The following IPCEF1 variants were observed in gnomAD, a reference collection of about 807,000 sequenced individuals.
The protein encoded by IPCEF1 is interactor protein for cytohesin exchange factors 1.
A neutral mutation model predicts 50.9 loss-of-function variants in IPCEF1; 31 were observed. That is an observed-to-expected ratio of 0.61 (90% CI 0.46 to 0.82). IPCEF1 has a LOEUF of 0.82. Among genes scored for constraint, IPCEF1 ranks in the 40% least tolerant of loss-of-function variants. The pLI is 0.00. For synonymous variants in IPCEF1, 181 were observed against 192.0 expected (o/e 0.94, Z 0.47); for missense variants, 458 against 514.0 (o/e 0.89, Z 1.05).
chr6:154,250,694 T>C (rs1483858499), intron 3 of IPCEF1, among the ~76,000 whole-genome samples: 1 of 152,260 alleles, frequency 6.6e-6, no homozygotes, highest in Non-Finnish European at 1.5e-5. Context: ...CATATAGTAG[T>C]TGTTAAACCT....
chr6:154,316,240 G>C (rs1383441167), intron 1 of IPCEF1, among the ~76,000 whole-genome samples: 1 of 152,084 alleles, frequency 6.6e-6, no homozygotes, highest in Admixed American at 6.6e-5. Flanking sequence ...TCACTCATAG[G>C]GAAGCACATT....
chr6:154,247,845 A>T (rs1184316137), intron 3 of IPCEF1, among the ~76,000 whole-genome samples: 1 of 152,254 alleles, frequency 6.6e-6, no homozygotes, highest in Non-Finnish European at 1.5e-5. Flanking sequence ...GAGAGAAGGA[A>T]AAATATATCT....
chr6:154,338,070 C>A (rs1296478092), intron 1 of IPCEF1, among the ~76,000 whole-genome samples: 1 of 152,210 alleles, frequency 6.6e-6, no homozygotes, highest in African/African-American at 2.4e-5. Context: ...CTAGAACATT[C>A]TATTGCTTGA....
chr6:154,272,002 CCACTA>C (rs1467038234), intron 2 of IPCEF1, among the ~76,000 whole-genome samples: 1 of 152,128 alleles, frequency 6.6e-6, no homozygotes, highest in African/African-American at 2.4e-5. Flanking sequence ...GAAAACCACT[CCACTA>C]AAGTATGTAG....
intron 9 of IPCEF1, 70 bp from the exon 10 acceptor site, chr6:154,200,110 T>C: frequency 7.2e-7 from 1 of 1,395,564 alleles, no homozygotes; most frequent in Non-Finnish European, 9.6e-7. Flanking sequence ...CTCTACCTTT[T>C]ATTTTCAATC....
chr6:154,324,807 C>G (rs1042128865), intron 1 of IPCEF1, among the ~76,000 whole-genome samples: 1 of 151,518 alleles, frequency 6.6e-6, no homozygotes, highest in Non-Finnish European at 1.5e-5. Context: ...GATTCTGTCT[C>G]GAAACAAACA....
Position 154,207,363 on chromosome 6 carries a change from T to G in IPCEF1, c.537+5407A>C, listed in dbSNP as rs117267561. ...TGAGGAGAAAGGGTGAATTTTTCTG[T>G]CTACCTTTTTCTTGTATATATAGTC... On this transcript the variant is annotated intron_variant, in intron 9 of 11. Transcript: ENST00000367220. Among the ~76,000 whole-genome samples the G allele has an allele frequency of 8.5e-3, 1,302 of 152,364 alleles. 13 individuals are homozygous for G. The highest frequency in any genetic ancestry group is 0.024 in the Middle Eastern group (7 of 294).
intron 10 of IPCEF1, among the ~76,000 whole-genome samples, chr6:154,174,041 T>C (rs976979489): frequency 2.0e-5 from 3 of 152,180 alleles, no homozygotes; most frequent in Admixed American, 2.0e-4. Flanking sequence ...GGAAAGAATT[T>C]CCAACCCAGA....
chr6:154,330,932 C>T (rs1783643887), intron 1 of IPCEF1, among the ~76,000 whole-genome samples: 1 of 152,122 alleles, frequency 6.6e-6, no homozygotes, highest in African/African-American at 2.4e-5. Context: ...CAGACATGAG[C>T]AGGGCAGGAG....
intron 9 of IPCEF1, among the ~76,000 whole-genome samples, chr6:154,204,815 T>C (rs1777356816): frequency 6.6e-6 from 1 of 152,202 alleles, no homozygotes. Context: ...AACCCTCTTA[T>C]AACTGCCCAT....
At chr6:154,256,537 GTCTCTCTCTC>G (rs10644644) in intron 3 of IPCEF1, among the ~76,000 whole-genome samples, 1 of 146,206 alleles carries the variant, frequency 6.8e-6, no homozygotes, top group South Asian at 2.3e-4. Flanking sequence ...CTCTGTCTCC[GTCTCTCTCTC>G]TCTCTCTCTC....
intron 1 of IPCEF1, among the ~76,000 whole-genome samples, chr6:154,308,372 C>T (rs1782991758): frequency 6.6e-6 from 1 of 151,910 alleles, no homozygotes; most frequent in African/African-American, 2.4e-5. Flanking sequence ...ATCTACCTGT[C>T]TCAGCCTCCC....
chr6:154,287,875 T>C (rs146704692), intron 2 of IPCEF1, among the ~76,000 whole-genome samples: 32 of 152,322 alleles, frequency 2.1e-4, no homozygotes, highest in African/African-American at 7.5e-4. Context: ...AAAATATGAA[T>C]ATAAAAAGCA....
intron 1 of IPCEF1, among the ~76,000 whole-genome samples, chr6:154,308,936 T>C (rs1783006268): frequency 6.6e-6 from 1 of 152,244 alleles, no homozygotes; most frequent in South Asian, 2.1e-4. Context: ...GACCGTCTGC[T>C]AAAAATGGTT....
Position 154,229,162 on chromosome 6 carries a change from A to G in IPCEF1, c.247-5919T>C, listed in dbSNP as rs185953440. On this transcript the variant is annotated intron_variant, in intron 5 of 11. Transcript: ENST00000367220. ...ATCTGGTTGTTTGTCTGCTTCTCCA[A>G]TGGATTGTGAGTACCTTGAAGGAAA... Among the ~76,000 whole-genome samples, 236 of 152,292 alleles carry G rather than the reference A, an allele frequency of 1.5e-3. 3 individuals are homozygous for G. Among genetic ancestry groups the G allele is most frequent in the African/African-American group, 5.5e-3 (227 of 41,552 alleles).
intron 10 of IPCEF1, among the ~76,000 whole-genome samples, chr6:154,189,748 C>A (rs1447121613): frequency 1.3e-5 from 2 of 151,964 alleles, no homozygotes; most frequent in East Asian, 3.9e-4. Flanking sequence ...GTGGGTGGAT[C>A]ACCTGAGGTC....
chr6:154,353,695 G>T (rs747812078), intron 1 of IPCEF1, among the ~76,000 whole-genome samples: 15 of 152,178 alleles, frequency 9.9e-5, no homozygotes, highest in Non-Finnish European at 1.8e-4. Context: ...AAAGTACAAA[G>T]AAAGAAGAAC....
At chr6:154,287,160 C>CCTCTCTCT (rs10563787) in intron 2 of IPCEF1, among the ~76,000 whole-genome samples, 1 of 148,416 alleles carries the variant, frequency 6.7e-6, no homozygotes, top group Non-Finnish European at 1.5e-5. Flanking sequence ...CCCTTCTCTC[C>CCTCTCTCT]CTCTCTCTCT....
intron 10 of IPCEF1, among the ~76,000 whole-genome samples, chr6:154,190,241 C>G (rs1801751970): frequency 6.6e-6 from 1 of 151,942 alleles, no homozygotes; most frequent in African/African-American, 2.4e-5. Flanking sequence ...TTCATATACA[C>G]ACACATACAA....
Sources: gnomAD v4.1 joint callset for allele counts (sites outside exome capture counted in the v4.1 genomes callset) on GRCh38, gnomAD v4.1.1 for gene constraint, MANE v1.5 for transcripts, NCBI Gene and HGNC (gene_info 2026-07-23, HGNC 2026-07-21) for gene names.